KLHL8: variants seen among roughly 807,000 people sequenced by gnomAD.
The protein encoded by KLHL8 is kelch like family member 8.
A neutral mutation model predicts 63.5 loss-of-function variants in KLHL8; 38 were observed. The ratio of observed to expected loss-of-function variants is 0.60; its 90% CI spans 0.46 to 0.78. The LOEUF (loss-of-function observed/expected upper bound fraction) is 0.78. Among genes scored for constraint, KLHL8 ranks in the 30% least tolerant of loss-of-function variants. The pLI is 0.00. For synonymous variants in KLHL8, 224 were observed against 254.3 expected (o/e 0.88, Z 1.13); for missense variants, 566 against 752.4 (o/e 0.75, Z 2.90).
At chr4:87,207,447 C>T in intron 1 of KLHL8, 1 of 719,310 alleles carries the variant, frequency 1.4e-6, no homozygotes. Flanking sequence ...GGGTCATCAT[C>T]TCTCCCCACT....
intron 2 of KLHL8, among the ~76,000 whole-genome samples, chr4:87,191,920 T>C (rs1286851230): frequency 6.6e-6 from 1 of 152,158 alleles, no homozygotes; most frequent in African/African-American, 2.4e-5. Context: ...GCTGCGTGTA[T>C]GTTGCTGCAA....
chr4:87,228,225 G>A (rs7683063), intron 1 of KLHL8, among the ~76,000 whole-genome samples: 60,472 of 151,938 alleles, frequency 0.4, 12,125 homozygotes, highest in South Asian at 0.45. Flanking sequence ...TTATAACACA[G>A]CTGTTATATA....
In KLHL8 at chr4:87,163,419, C is replaced by G; in HGVS notation, c.*100G>C. 5 of 1,178,540 alleles carry G rather than the reference C, an allele frequency of 4.2e-6. No homozygotes were observed. Among genetic ancestry groups the G allele is most frequent in the Non-Finnish European group, 4.8e-6 (4 of 825,544 alleles). 73.0% of individuals were successfully genotyped at this position (1,178,540 alleles called of 1,614,324 possible). On this transcript the variant is annotated 3_prime_UTR_variant, in exon 10 of 10. Transcript: ENST00000273963. The stretch of plus-strand genomic sequence containing the variant: ...CAACAGTTAACATTTAAATAAGACT[C>G]TAGTTGCAGTAAAAAGTGTTGAAAG...
rs181422418 is a variant in KLHL8 at position 87,201,951 on chromosome 4, C to T, written c.-151-6261G>A. On this transcript the variant is annotated intron_variant, in intron 1 of 9. Coordinates refer to ENST00000273963, the MANE Select transcript of KLHL8 (RefSeq NM_020803.5). ...CTTACATCAAAAAAAAGTACTAAATCAAAAAAATTAGCTGGGCGTAGTGGC... is the reference window on the plus strand; with the variant it reads ...CTTACATCAAAAAAAAGTACTAAATTAAAAAAATTAGCTGGGCGTAGTGGC... Among the ~76,000 whole-genome samples the T allele has an allele frequency of 2.8e-3, 426 of 151,542 alleles. 4 individuals are homozygous for T. The highest frequency in any genetic ancestry group is 9.9e-3 in the African/African-American group (409 of 41,364).
intron 3 of KLHL8, 122 bp downstream of exon 3, chr4:87,185,129 A>T: frequency 1.0e-6 from 1 of 972,806 alleles, no homozygotes; most frequent in Non-Finnish European, 1.5e-6. Flanking sequence ...CATTTCTATT[A>T]TTTATTACAT....
At chr4:87,178,835 A>G (rs11942670) in intron 4 of KLHL8, among the ~76,000 whole-genome samples, 4,592 of 152,210 alleles carry the variant, frequency 0.03, 242 homozygotes, top group African/African-American at 0.11. Context: ...TCCCACTACA[A>G]TATGGTTTAT....
At chr4:87,239,961 C>T (rs566253140) in intron 1 of KLHL8, among the ~76,000 whole-genome samples, 1 of 152,094 alleles carries the variant, frequency 6.6e-6, no homozygotes, top group South Asian at 2.1e-4. Context: ...GATCTTAACC[C>T]CCTCATCTGG....
At chr4:87,222,736 A>G (rs1204062725), upstream of KLHL8, among the ~76,000 whole-genome samples, 1 of 152,056 alleles carries the variant, frequency 6.6e-6, no homozygotes, top group African/African-American at 2.4e-5. Flanking sequence ...GGTGTCTGCC[A>G]CCACGCCCGG....
intron 1 of KLHL8, among the ~76,000 whole-genome samples, chr4:87,198,117 G>A (rs914871587): frequency 2.6e-5 from 4 of 151,068 alleles, no homozygotes; most frequent in Admixed American, 6.6e-5. Flanking sequence ...TCAGGAGTTC[G>A]AGACCAGCCT....
intron 7 of KLHL8, 29 bp from the exon 8 acceptor site, chr4:87,170,267 T>A (rs1342303172): frequency 6.3e-7 from 1 of 1,584,020 alleles, no homozygotes; most frequent in African/African-American, 1.4e-5. Flanking sequence ...ACAAAACACA[T>A]TAGATTTCGA....
chr4:87,161,014 G>T lies in KLHL8; in HGVS notation c.*2505C>A. ...GTGTTTTTGCCTGATAAAGAGAACT[G>T]TGCACATATTGATTCTGCTTTTTTA... On this transcript the variant is annotated 3_prime_UTR_variant, in exon 10 of 10. Coordinates refer to ENST00000273963, the MANE Select transcript of KLHL8 (RefSeq NM_020803.5). The T allele has an allele frequency of 6.8e-6, 1 of 147,830 alleles. No homozygotes were observed. The highest frequency in any genetic ancestry group is 1.5e-5 in the Non-Finnish European group (1 of 67,198). 9.2% of individuals were successfully genotyped at this position (147,830 alleles called of 1,614,324 possible).
chr4:87,219,931 C>T (rs1560719587), intron 1 of KLHL8: 1 of 152,002 alleles, frequency 6.6e-6, no homozygotes, highest in Non-Finnish European at 1.5e-5. Context: ...ACTCGCCCCG[C>T]CCCCGCAGGC....
intron 1 of KLHL8, among the ~76,000 whole-genome samples, chr4:87,238,600 G>T (rs1733275171): frequency 6.6e-6 from 1 of 152,120 alleles, no homozygotes; most frequent in Non-Finnish European, 1.5e-5. Context: ...AATGGGCCTA[G>T]TTTAACACTG....
chr4:87,236,904 G>A (rs904259647), intron 1 of KLHL8, among the ~76,000 whole-genome samples: 5 of 151,422 alleles, frequency 3.3e-5, no homozygotes, highest in Admixed American at 6.6e-5. Flanking sequence ...CCTCAGGTGA[G>A]CCACTCGCTT....
intron 1 of KLHL8, among the ~76,000 whole-genome samples, chr4:87,211,714 C>T (rs552803758): frequency 2.0e-5 from 3 of 152,180 alleles, no homozygotes; most frequent in East Asian, 1.9e-4. Flanking sequence ...TGCAATGAGC[C>T]GAGATCACTG....
chr4:87,195,183 A>C, intron 2 of KLHL8, 141 bp downstream of exon 2: 1 of 629,568 alleles, frequency 1.6e-6, no homozygotes, highest in Non-Finnish European at 2.7e-6. Flanking sequence ...TCCTACACTA[A>C]AAAAAAAGAT....
chr4:87,172,563 T>C (rs886723085), intron 6 of KLHL8, among the ~76,000 whole-genome samples: 8 of 152,246 alleles, frequency 5.3e-5, no homozygotes, highest in African/African-American at 1.9e-4. Context: ...GTTGTTTTCC[T>C]AATTCAGAAA....
intron 1 of KLHL8, among the ~76,000 whole-genome samples, chr4:87,231,089 C>G (rs1733128932): frequency 6.6e-6 from 1 of 152,104 alleles, no homozygotes; most frequent in African/African-American, 2.4e-5. Flanking sequence ...TCTCCCCTCC[C>G]TGAAAGCGGA....
chr4:87,206,747 T>C (rs1732146492), intron 1 of KLHL8, among the ~76,000 whole-genome samples: 1 of 152,236 alleles, frequency 6.6e-6, no homozygotes, highest in African/African-American at 2.4e-5. Flanking sequence ...CCAACTTAAA[T>C]AATTCCTTTT....
Sources: gnomAD v4.1 joint callset for allele counts (sites outside exome capture counted in the v4.1 genomes callset) on GRCh38, gnomAD v4.1.1 for gene constraint, MANE v1.5 for transcripts, NCBI Gene and HGNC (gene_info 2026-07-23, HGNC 2026-07-21) for gene names.